KCNK10: variants seen among roughly 807,000 people sequenced by gnomAD.
KCNK10 encodes the protein potassium channel subfamily K member 10.
KCNK10 carries 25 observed loss-of-function variants against 47.7 expected under a neutral mutation model. The ratio of observed to expected loss-of-function variants is 0.52; its 90% CI spans 0.38 to 0.73. KCNK10 has a LOEUF of 0.73. Ranked by LOEUF, KCNK10 falls within the 30% of genes least tolerant of loss-of-function variation. The pLI, the probability that KCNK10 is intolerant of heterozygous loss-of-function variation, is 0.00. For missense variants in KCNK10, 563 were observed against 714.5 expected (o/e 0.79, Z 2.42); for synonymous variants, 303 against 285.6 (o/e 1.06, Z -0.61).
intron 1 of KCNK10, among the ~76,000 whole-genome samples, chr14:88,315,210 T>C (rs940795696): frequency 4.6e-5 from 7 of 152,184 alleles, no homozygotes; most frequent in African/African-American, 1.4e-4. Flanking sequence ...TCACCTCCCA[T>C]ATGGCCTCAA....
In KCNK10 at chr14:88,183,455, G is replaced by A. The variant is rs910415682; in HGVS notation, c.*2080C>T. 4 of 152,402 alleles carry A rather than the reference G, an allele frequency of 2.6e-5. No homozygotes were observed. The highest frequency in any genetic ancestry group is 5.9e-5 in the Non-Finnish European group (4 of 68,058). The allele number at this position is 152,402 out of a possible 1,614,324, so 9.4% of individuals were successfully genotyped here. ...CAGTTTAATTAGGAAGCTTCGACTT[G>A]TTAGAATAACAGAGGAAGTCCCAGT... is the stretch of plus-strand genomic sequence containing the variant. On this transcript the variant is annotated 3_prime_UTR_variant, in exon 7 of 7. Transcript: ENST00000319231.
chr14:88,185,468 G>C lies in KCNK10; in HGVS notation c.*67C>G. On this transcript the variant is annotated 3_prime_UTR_variant, in exon 7 of 7. Coordinates refer to ENST00000319231, the MANE Select transcript of KCNK10 (RefSeq NM_138317.3). The surrounding 1 kb of genome is among the most constrained non-coding windows in gnomAD (Gnocchi z 4.3). ...AAGTCTGTTTAAGGCACATGTCTCA[G>C]TGTGAATATTAAAAACACACACACA... 3 of 1,528,376 alleles carry C rather than the reference G, an allele frequency of 2.0e-6. No homozygotes were observed. The highest frequency in any genetic ancestry group is 2.6e-6 in the Non-Finnish European group (3 of 1,138,708). The allele number at this position is 1,528,376 out of a possible 1,614,324, so 94.7% of individuals were successfully genotyped here.
At chr14:88,316,030 C>T (rs559532098) in intron 1 of KCNK10, among the ~76,000 whole-genome samples, 1 of 152,224 alleles carries the variant, frequency 6.6e-6, no homozygotes, top group South Asian at 2.1e-4. Flanking sequence ...AAAGTTACTT[C>T]CATGGAAAGG....
chr14:88,200,101 TTC>T (rs941026045), intron 4 of KCNK10, among the ~76,000 whole-genome samples: 19 of 151,068 alleles, frequency 1.3e-4, no homozygotes, highest in African/African-American at 4.2e-4. Context: ...CTTCCTTTTT[TTC>T]TCTTTCTTTC....
upstream of KCNK10, among the ~76,000 whole-genome samples, chr14:88,325,819 CAACA>C (rs1319111328): frequency 6.6e-6 from 1 of 152,178 alleles, no homozygotes; most frequent in Non-Finnish European, 1.5e-5. Context: ...TTCGGCCAAT[CAACA>C]AACATTTATT....
chr14:88,219,623 G>A (rs142460521), intron 4 of KCNK10, among the ~76,000 whole-genome samples: 4 of 152,320 alleles, frequency 2.6e-5, no homozygotes, highest in East Asian at 3.9e-4. Flanking sequence ...TATGTGAGAC[G>A]TTATCATTTG....
In KCNK10 at chr14:88,238,516, G is replaced by A. The variant is rs115142429; in HGVS notation, c.520+2187C>T. On this transcript the variant is annotated intron_variant, in intron 3 of 6. Transcript: ENST00000319231. Reference sequence around the variant, plus strand: ...TGAAACCCCATCTCTAGAAAAAAATGTTTAAAAAATTAGCCAGGAATGGTG... The same window carrying A: ...TGAAACCCCATCTCTAGAAAAAAATATTTAAAAAATTAGCCAGGAATGGTG... Among the ~76,000 whole-genome samples, 761 of 152,166 alleles carry A rather than the reference G, an allele frequency of 5.0e-3. 1 individual carries two copies. The highest frequency in any genetic ancestry group is 0.018 in the African/African-American group (729 of 41,508).
intron 5 of KCNK10, 67 bp downstream of exon 5, chr14:88,192,157 A>G (rs1884768318): frequency 1.4e-6 from 2 of 1,457,468 alleles, no homozygotes; most frequent in African/African-American, 1.4e-5. Context: ...ATCGATTGCG[A>G]AAAGCACAGC....
At chr14:88,198,735 C>G (rs1425489445) in intron 4 of KCNK10, among the ~76,000 whole-genome samples, 4 of 152,044 alleles carry the variant, frequency 2.6e-5, no homozygotes, top group Admixed American at 2.6e-4. Context: ...TTAACCCAGC[C>G]CCTTCCTCTC....
chr14:88,259,713 C>A (rs1314952160), intron 2 of KCNK10, among the ~76,000 whole-genome samples: 1 of 152,120 alleles, frequency 6.6e-6, no homozygotes, highest in Admixed American at 6.5e-5. Context: ...CGCCTTGGCC[C>A]CCCAAGCTGC....
At chr14:88,206,251 G>A (rs898140162) in intron 4 of KCNK10, among the ~76,000 whole-genome samples, 14 of 152,186 alleles carry the variant, frequency 9.2e-5, no homozygotes, top group African/African-American at 3.4e-4. Context: ...CTCTAAACTT[G>A]TTAGGGTGTT....
At chr14:88,189,898 G>A (rs972008312) in intron 5 of KCNK10, among the ~76,000 whole-genome samples, 11 of 152,102 alleles carry the variant, frequency 7.2e-5, no homozygotes, top group African/African-American at 2.2e-4. Flanking sequence ...GTGTAAGCTC[G>A]GAAAACTGGA....
intron 1 of KCNK10, among the ~76,000 whole-genome samples, chr14:88,282,327 C>T (rs1887668351): frequency 6.6e-6 from 1 of 152,202 alleles, no homozygotes; most frequent in Non-Finnish European, 1.5e-5. Flanking sequence ...TCAAGACATC[C>T]TGCCACCTTC....
intron 1 of KCNK10, among the ~76,000 whole-genome samples, chr14:88,264,826 T>A (rs1190700542): frequency 6.6e-6 from 1 of 152,250 alleles, no homozygotes; most frequent in East Asian, 1.9e-4. Context: ...CTGGGCATTA[T>A]GTTCTTGCTA....
At chr14:88,199,199 C>T (rs148792720) in intron 4 of KCNK10, among the ~76,000 whole-genome samples, 7 of 152,024 alleles carry the variant, frequency 4.6e-5, no homozygotes, top group Admixed American at 1.3e-4. Context: ...GGATTACAGG[C>T]GTGAGCCACC....
At chr14:88,323,292 C>T (rs1279524052), upstream of KCNK10, 2 of 985,428 alleles carry the variant, frequency 2.0e-6, no homozygotes, top group African/African-American at 1.8e-5. Context: ...CAGCCTCGCT[C>T]GGCCGCGCTG....
chr14:88,203,119 C>T (rs1303293523), intron 4 of KCNK10, among the ~76,000 whole-genome samples: 1 of 152,096 alleles, frequency 6.6e-6, no homozygotes, highest in Non-Finnish European at 1.5e-5. Flanking sequence ...GATGGTGGTA[C>T]CAATGTTGGT....
chr14:88,203,995 T>C (rs140236134), intron 4 of KCNK10, among the ~76,000 whole-genome samples: 2 of 152,334 alleles, frequency 1.3e-5, no homozygotes, highest in Non-Finnish European at 2.9e-5. Flanking sequence ...GATTCAGAAG[T>C]ACGATTATCA....
chr14:88,215,963 G>C (rs1325985445), intron 4 of KCNK10, among the ~76,000 whole-genome samples: 1 of 152,136 alleles, frequency 6.6e-6, no homozygotes, highest in Non-Finnish European at 1.5e-5. Flanking sequence ...AAGGGATACT[G>C]GCCAGTTATG....
Sources: gnomAD v4.1 joint callset for allele counts (sites outside exome capture counted in the v4.1 genomes callset) on GRCh38, gnomAD v4.1.1 for gene constraint, Gnocchi (gnomAD v3.1) non-coding constraint, MANE v1.5 for transcripts, NCBI Gene and HGNC (gene_info 2026-07-23, HGNC 2026-07-21) for gene names.